The following PITPNC1 variants were observed in gnomAD, a reference collection of about 807,000 sequenced individuals.
The protein encoded by PITPNC1 is cytoplasmic phosphatidylinositol transfer protein 1.
Under a neutral mutation model 44.7 loss-of-function variants are expected in PITPNC1, and 18 were observed. The observed-to-expected ratio is 0.40, with a 90% confidence interval of 0.28 to 0.60. The LOEUF (loss-of-function observed/expected upper bound fraction) is 0.60, where lower values mean the gene tolerates loss of function less well. Among genes scored for constraint, PITPNC1 ranks in the 20% least tolerant of loss-of-function variants. The pLI is 0.39. For synonymous variants in PITPNC1, 141 were observed against 149.6 expected (o/e 0.94, Z 0.42); for missense variants, 290 against 418.4 (o/e 0.69, Z 2.68).
rs79606515 is a variant in PITPNC1 at position 67,589,129 on chromosome 17, T to G, written c.366+10872T>G. Among the ~76,000 whole-genome samples the G allele has an allele frequency of 2.2e-3, 330 of 152,348 alleles. 2 individuals are homozygous for G. Among genetic ancestry groups the G allele is most frequent in the African/African-American group, 7.6e-3 (315 of 41,580 alleles). ...TCAATCTGTGTCTAATGGTGTCATTTTGAGGACAATGGAAAACAGATCATG... is the reference window on the plus strand; with the variant it reads ...TCAATCTGTGTCTAATGGTGTCATTGTGAGGACAATGGAAAACAGATCATG... On this transcript the variant is annotated intron_variant, in intron 5 of 8. Transcript: ENST00000581322.
chr17:67,608,873 G>A (rs2041650592), intron 5 of PITPNC1, among the ~76,000 whole-genome samples: 1 of 152,080 alleles, frequency 6.6e-6, no homozygotes, highest in Admixed American at 6.6e-5. Flanking sequence ...GCATGTCCTT[G>A]TTGCTGGGTT....
chr17:67,688,698 A>G (rs2042866594), intron 8 of PITPNC1, among the ~76,000 whole-genome samples: 1 of 152,086 alleles, frequency 6.6e-6, no homozygotes, highest in Admixed American at 6.6e-5. Context: ...ACTTTCAATT[A>G]CCTTTTCTTT....
intron 1 of PITPNC1, among the ~76,000 whole-genome samples, chr17:67,429,865 C>T (rs1383096534): frequency 6.6e-6 from 1 of 152,140 alleles, no homozygotes; most frequent in Non-Finnish European, 1.5e-5. Flanking sequence ...AGAAGGAATA[C>T]AATTTCAGTA....
At chr17:67,388,288 C>T (rs989365531) in intron 1 of PITPNC1, among the ~76,000 whole-genome samples, 2 of 151,300 alleles carry the variant, frequency 1.3e-5, no homozygotes, top group South Asian at 2.1e-4. Flanking sequence ...TCCCAATTCC[C>T]GGAGGAGTAT....
chr17:67,410,239 G>A (rs1434191731), intron 1 of PITPNC1, among the ~76,000 whole-genome samples: 1 of 152,174 alleles, frequency 6.6e-6, no homozygotes, highest in Non-Finnish European at 1.5e-5. Context: ...TAAGCAAAAG[G>A]CCAATAGCTT....
At chr17:67,688,719 G>A (rs1194548351) in intron 8 of PITPNC1, among the ~76,000 whole-genome samples, 1 of 151,992 alleles carries the variant, frequency 6.6e-6, no homozygotes, top group African/African-American at 2.4e-5. Flanking sequence ...TAGAAATGTT[G>A]GGCCCCAGTT....
In PITPNC1 at chr17:67,450,035, T is replaced by A. The variant is rs1479230053; in HGVS notation, c.48+71833T>A. 2.0e-5 allele frequency among the ~76,000 whole-genome samples: 3 copies of A among 152,180 alleles called. No individual in the cohort carries two copies. In the East Asian group the frequency reaches 5.8e-4, roughly 29 times the overall value. Reference sequence around the variant, plus strand: ...ACTGCTTGTCTGTCTGGCAATGAGATAAGCGCAGTAGCCAGTGATTACCAA... The same window carrying A: ...ACTGCTTGTCTGTCTGGCAATGAGAAAAGCGCAGTAGCCAGTGATTACCAA... On this transcript the variant is annotated intron_variant, in intron 1 of 8. Coordinates refer to ENST00000581322, the MANE Select transcript of PITPNC1 (RefSeq NM_012417.4).
At chr17:67,585,125 A>G (rs2041295329) in intron 5 of PITPNC1, among the ~76,000 whole-genome samples, 1 of 151,172 alleles carries the variant, frequency 6.6e-6, no homozygotes, top group Non-Finnish European at 1.5e-5. Context: ...TCAGAAAAAA[A>G]AAAAAAAAAA....
At chr17:67,596,481 T>TTTG (rs149924754) in intron 5 of PITPNC1, among the ~76,000 whole-genome samples, 6 of 152,258 alleles carry the variant, frequency 3.9e-5, no homozygotes, top group East Asian at 1.9e-4. Flanking sequence ...TCCCTATTTC[T>TTTG]TTGTTGTTGT....
intron 6 of PITPNC1, among the ~76,000 whole-genome samples, chr17:67,639,899 C>T (rs779704638): frequency 5.3e-5 from 8 of 152,122 alleles, no homozygotes; most frequent in East Asian, 3.8e-4. Context: ...CTGTACCCTT[C>T]GGTACAAAGA....
At chr17:67,469,946 A>T (rs1050562009) in intron 1 of PITPNC1, among the ~76,000 whole-genome samples, 1 of 152,050 alleles carries the variant, frequency 6.6e-6, no homozygotes, top group Non-Finnish European at 1.5e-5. Context: ...TTTTTGAGAC[A>T]GAATCTTGTT....
At chr17:67,667,766 G>A (rs1394272632) in intron 6 of PITPNC1, among the ~76,000 whole-genome samples, 3 of 151,794 alleles carry the variant, frequency 2.0e-5, no homozygotes, top group African/African-American at 7.3e-5. Context: ...GATCACTCGC[G>A]TTCAGGAGTT....
intron 1 of PITPNC1, among the ~76,000 whole-genome samples, chr17:67,529,210 A>G (rs978007708): frequency 5.1e-4 from 77 of 152,258 alleles, no homozygotes; most frequent in African/African-American, 1.8e-3. Context: ...GGCCATTCCC[A>G]TCTCCACTGA....
intron 1 of PITPNC1, among the ~76,000 whole-genome samples, chr17:67,454,778 A>G (rs112001306): frequency 1.3e-5 from 2 of 152,128 alleles, no homozygotes; most frequent in African/African-American, 4.8e-5. Flanking sequence ...CCTTCCAGAC[A>G]ATTGTGTACA....
At chr17:67,436,582 G>C (rs2038939689) in intron 1 of PITPNC1, among the ~76,000 whole-genome samples, 1 of 152,176 alleles carries the variant, frequency 6.6e-6, no homozygotes, top group Non-Finnish European at 1.5e-5. Flanking sequence ...CTGGCTGGGA[G>C]TTTGGGATAT....
intron 1 of PITPNC1, among the ~76,000 whole-genome samples, chr17:67,431,284 C>G (rs146599692): frequency 6.6e-6 from 1 of 152,024 alleles, no homozygotes; most frequent in Non-Finnish European, 1.5e-5. Flanking sequence ...GTCTCAAACT[C>G]CTGACCTTAA....
intron 2 of PITPNC1, among the ~76,000 whole-genome samples, chr17:67,547,872 G>T (rs2040705784): frequency 6.6e-6 from 1 of 152,166 alleles, no homozygotes; most frequent in African/African-American, 2.4e-5. Flanking sequence ...GGGAACCTTG[G>T]GGAATTTATG....
At chr17:67,414,905 G>A (rs1438319600) in intron 1 of PITPNC1, among the ~76,000 whole-genome samples, 1 of 151,918 alleles carries the variant, frequency 6.6e-6, no homozygotes, top group Non-Finnish European at 1.5e-5. Context: ...TTGAGACAGG[G>A]TCTTGCTCTG....
chr17:67,383,305 T>C (rs1402775188), intron 1 of PITPNC1, among the ~76,000 whole-genome samples: 4 of 152,228 alleles, frequency 2.6e-5, no homozygotes, highest in African/African-American at 9.6e-5. Flanking sequence ...GTCTACCTCA[T>C]TGACAAACTC....
Sources: gnomAD v4.1 joint callset for allele counts (sites outside exome capture counted in the v4.1 genomes callset) on GRCh38, gnomAD v4.1.1 for gene constraint, MANE v1.5 for transcripts, NCBI Gene and HGNC (gene_info 2026-07-23, HGNC 2026-07-21) for gene names.